Variants in HSD17B13 observed in about 807,000 individuals in gnomAD.
The protein encoded by HSD17B13 is hydroxysteroid 17-beta dehydrogenase 13.
HSD17B13 carries 26 observed loss-of-function variants against 31.1 expected under a neutral mutation model. The ratio of observed to expected loss-of-function variants is 0.84; its 90% CI spans 0.61 to 1.16. HSD17B13 has a LOEUF of 1.16. Among genes scored for constraint, HSD17B13 ranks in the 50% most tolerant of loss-of-function variants. HSD17B13 has a pLI of 0.00. For missense variants in HSD17B13, 374 were observed against 366.5 expected, an observed-to-expected ratio of 1.02 and a Z score of -0.17; for synonymous variants, 141 against 133.7, an observed-to-expected ratio of 1.05 and a Z score of -0.38.
chr4:87,322,498 C>T (rs1734811605), intron 1 of HSD17B13, 134 bp downstream of exon 1: 1 of 677,440 alleles, frequency 1.5e-6, no homozygotes, highest in Non-Finnish European at 2.5e-6. Flanking sequence ...GACACATATA[C>T]AGACTAAGGG....
intron 2 of HSD17B13, 127 bp downstream of exon 2, chr4:87,318,202 A>AT: frequency 2.9e-6 from 2 of 684,680 alleles, no homozygotes; most frequent in Non-Finnish European, 5.2e-6. Flanking sequence ...CCTTGGTGAC[A>AT]TAACTACTTC....
intron 5 of HSD17B13, among the ~76,000 whole-genome samples, chr4:87,311,599 AGGCTTAGT>A (rs1170479839): frequency 6.6e-6 from 1 of 152,192 alleles, no homozygotes; most frequent in Non-Finnish European, 1.5e-5. Context: ...TCATAAACAT[AGGCTTAGT>A]GTAGAATTGT....
At position 87,304,375 on chromosome 4, in the gene HSD17B13, CTT is replaced by C. The variant is rs1245912857; in HGVS notation, c.*841_*842del. On this transcript the variant is annotated 3_prime_UTR_variant, in exon 7 of 7. Transcript: ENST00000328546. ...AACCTTTCTTTCTTCCTTTTCTTCT[CTT>C]GGGTCCATTGTTTCTTATGTAATAG... The C allele has an allele frequency of 2.0e-5, 3 of 152,996 alleles. No homozygotes were observed. The highest frequency in any genetic ancestry group is 7.2e-5 in the African/African-American group (3 of 41,430). The allele number at this position is 152,996 out of a possible 1,614,324, so 9.5% of individuals were successfully genotyped here.
intron 6 of HSD17B13, among the ~76,000 whole-genome samples, chr4:87,306,152 C>T (rs1734384593): frequency 6.6e-6 from 1 of 152,118 alleles, no homozygotes; most frequent in African/African-American, 2.4e-5. Flanking sequence ...CCTATGTGTG[C>T]ACCTTTGTAA....
chr4:87,318,273 G>A (rs1734701065), intron 2 of HSD17B13, 56 bp downstream of exon 2: 3 of 1,319,590 alleles, frequency 2.3e-6, no homozygotes, highest in Non-Finnish European at 3.3e-6. Flanking sequence ...CATTTTCCAC[G>A]TCAGCGTCCT....
intron 4 of HSD17B13, among the ~76,000 whole-genome samples, chr4:87,314,475 T>C (rs2110101301): frequency 6.6e-6 from 1 of 152,236 alleles, no homozygotes; most frequent in South Asian, 2.1e-4. Flanking sequence ...CTCTTAATTT[T>C]ATTATGAGGA....
rs555297637 is a variant in HSD17B13 at position 87,312,179 on chromosome 4, TGGG to T, written c.695+1641_695+1643del. The stretch of plus-strand genomic sequence containing the variant: ...GAATGCCTACCAAGAGGGTTTTTAT[TGGG>T]CCCAATTCCTTGTCTAAGAAAACAA... On this transcript the variant is annotated intron_variant, in intron 5 of 6. Transcript: ENST00000328546. Among the ~76,000 whole-genome samples, 489 of 152,246 alleles carry T rather than the reference TGGG, an allele frequency of 3.2e-3. 4 individuals carry two copies. The highest frequency in any genetic ancestry group is 0.014 in the Middle Eastern group (4 of 294).
intron 6 of HSD17B13, among the ~76,000 whole-genome samples, chr4:87,308,115 CT>C (rs1413558228): frequency 3.9e-5 from 6 of 152,164 alleles, no homozygotes; most frequent in Non-Finnish European, 5.9e-5. Flanking sequence ...AAATTCTGTT[CT>C]CTAAGACTTT....
chr4:87,312,625 G>C (rs1356566862), intron 5 of HSD17B13, among the ~76,000 whole-genome samples: 1 of 141,694 alleles, frequency 7.1e-6, no homozygotes, highest in Non-Finnish European at 1.5e-5. Flanking sequence ...CGCCTCCCGG[G>C]TTCACGCCAT....
intron 5 of HSD17B13, among the ~76,000 whole-genome samples, chr4:87,313,575 G>C (rs1734581351): frequency 6.6e-6 from 1 of 152,074 alleles, no homozygotes; most frequent in African/African-American, 2.4e-5. Flanking sequence ...TGGTAACGGT[G>C]ATCAAATGTA....
intron 2 of HSD17B13, among the ~76,000 whole-genome samples, chr4:87,317,563 C>CTTTATTTTTTTTTT (rs1734681075): frequency 4.0e-5 from 2 of 49,714 alleles, no homozygotes; most frequent in African/African-American, 1.7e-4. Flanking sequence ...TTTCTTTAAA[C>CTTTATTTTTTTTTT]TTTTTTTTTT....
chr4:87,310,326 T>C lies in HSD17B13; in HGVS notation c.729A>G (p.Val243=), dbSNP rs1560747256. The C allele has an allele frequency of 6.4e-7, 1 of 1,571,522 alleles. No homozygotes were observed. The highest frequency in any genetic ancestry group is 8.6e-7 in the Non-Finnish European group (1 of 1,164,282). ...TAAGTATTCCATCTATCAGACTTCT[T>C]ACGACTTCATCTGTCTCCAATACAG... ...LWPVLETDEV[V]RSLIDGILTN... Residue 243 remains valine (V), a synonymous_variant, in exon 6 of 7, where the codon GTA becomes GTG. Coordinates refer to ENST00000328546, the MANE Select transcript of HSD17B13 (RefSeq NM_178135.5).
rs547202837 is a variant in HSD17B13 at position 87,322,594 on chromosome 4, C to T, written c.210+38G>A. 1.7e-3 allele frequency: 2,344 copies of T among 1,382,510 alleles called. 41 individuals carry two copies. The South Asian group carries it at 0.026, about 15-fold the overall frequency. 85.6% of individuals were successfully genotyped at this position (1,382,510 alleles called of 1,614,324 possible). On this transcript the variant is annotated intron_variant, in intron 1 of 6. Coordinates refer to ENST00000328546, the MANE Select transcript of HSD17B13 (RefSeq NM_178135.5). ...AATAATTCTTAAAATACATATCTTA[C>T]TCTGTGACTTTAAAAAGTTGGAAGA...
chr4:87,320,782 G>A (rs1734769087), intron 1 of HSD17B13, among the ~76,000 whole-genome samples: 1 of 152,092 alleles, frequency 6.6e-6, no homozygotes, highest in Non-Finnish European at 1.5e-5. Context: ...ACTCCAATGT[G>A]TTTTTTGAAC....
chr4:87,305,637 C>T (rs1410466824), intron 6 of HSD17B13, among the ~76,000 whole-genome samples: 2 of 152,034 alleles, frequency 1.3e-5, no homozygotes, highest in Non-Finnish European at 2.9e-5. Context: ...AAATTATTGC[C>T]TGAACACAGA....
intron 5 of HSD17B13, among the ~76,000 whole-genome samples, chr4:87,310,995 C>T (rs1195348229): frequency 6.6e-6 from 1 of 151,534 alleles, no homozygotes; most frequent in Non-Finnish European, 1.5e-5. Flanking sequence ...AGAAGCCGGC[C>T]AAAACCCACC....
chr4:87,314,130 T>G (rs1734595566), intron 4 of HSD17B13, among the ~76,000 whole-genome samples, 170 bp from the exon 5 acceptor site: 1 of 151,622 alleles, frequency 6.6e-6, no homozygotes, highest in Non-Finnish European at 1.5e-5. Flanking sequence ...TCTTACATGA[T>G]TAAGCAGAAT....
intron 6 of HSD17B13, 101 bp downstream of exon 6, chr4:87,310,142 C>G: frequency 7.2e-7 from 1 of 1,393,188 alleles, no homozygotes; most frequent in Non-Finnish European, 9.4e-7. Context: ...CCACCGCAAT[C>G]CAGCCAGGGT....
At chr4:87,312,986 A>C (rs1052432739) in intron 5 of HSD17B13, among the ~76,000 whole-genome samples, 13 of 135,612 alleles carry the variant, frequency 9.6e-5, no homozygotes, top group African/African-American at 4.6e-4. Flanking sequence ...TTGAACCCAG[A>C]AAGGCGGAGG....
Sources: allele counts gnomAD v4.1 joint callset (sites outside exome capture counted in the v4.1 genomes callset), GRCh38; gene constraint gnomAD v4.1.1; transcripts MANE v1.5; gene names NCBI Gene and HGNC (gene_info 2026-07-23, HGNC 2026-07-21).